Variants in ZNF564 observed in about 807,000 individuals in gnomAD.
ZNF564 encodes the protein zinc finger protein 564.
Under a neutral mutation model 10.5 loss-of-function variants are expected in ZNF564, and 5 were observed. The observed-to-expected ratio is 0.48, with a 90% CI of 0.25 to 1.00. ZNF564 has a LOEUF of 1.00. ZNF564 is among the 50% of genes least tolerant of loss of function. ZNF564 has a pLI of 0.16. For synonymous variants in ZNF564, 242 were observed against 218.1 expected (o/e 1.11, Z -0.97); for missense variants, 603 against 669.7 (o/e 0.90, Z 1.10).
intron 1 of ZNF564, among the ~76,000 whole-genome samples, chr19:12,532,181 A>G (rs901744193): frequency 2.3e-4 from 35 of 151,782 alleles, no homozygotes; most frequent in African/African-American, 8.0e-4. Context: ...TTGTGAATAG[A>G]CCCTGCACTC....
chr19:12,550,511 C>A, intron 1 of ZNF564: 1 of 287,722 alleles, frequency 3.5e-6, no homozygotes, highest in Non-Finnish European at 7.4e-6. Context: ...CAAAAAGTAG[C>A]CGGTCGTGGC....
At chr19:12,541,778 G>A (rs1176804370) in intron 1 of ZNF564, among the ~76,000 whole-genome samples, 1 of 151,936 alleles carries the variant, frequency 6.6e-6, no homozygotes, top group Non-Finnish European at 1.5e-5. Flanking sequence ...CACTTTGGGA[G>A]GCCGAGGCAG....
chr19:12,527,588 A>C lies in ZNF564; in HGVS notation c.520T>G (p.Cys174Gly). 6.2e-7 allele frequency: 1 copy of C among 1,614,168 alleles called. No individual in the cohort carries two copies. Among genetic ancestry groups the C allele is most frequent in the Non-Finnish European group, 8.5e-7 (1 of 1,180,022 alleles). ...TGEKPYACPE[C>G]GKAFISLPSV... ...GGGAGAGAAATGAAGGCTTTCCCAC[A>C]TTCCGGACATGCATAGGGTTTCTCA... is the stretch of plus-strand genomic sequence containing the variant. The change falls in exon 4 of 4, where the codon TGT becomes GGT. Residue 174 changes from cysteine (C) to glycine (G), a missense_variant. Physicochemically the swap from Cys to Gly is radical, Grantham distance 159 (BLOSUM62 -3). Coordinates refer to ENST00000339282, the MANE Select transcript of ZNF564 (RefSeq NM_144976.4).
chr19:12,544,774 C>A (rs115622933), intron 1 of ZNF564, among the ~76,000 whole-genome samples: 248 of 152,312 alleles, frequency 1.6e-3, no homozygotes, highest in African/African-American at 5.7e-3. Context: ...CTGTCTTGCT[C>A]CCTGGTTAGG....
chr19:12,540,734 G>A (rs564016430), intron 1 of ZNF564, among the ~76,000 whole-genome samples: 6 of 152,014 alleles, frequency 3.9e-5, no homozygotes, highest in African/African-American at 9.7e-5. Context: ...GGCGCCTGTA[G>A]TCCCAGCTAC....
At chr19:12,528,746 C>A in intron 1 of ZNF564, 50 bp from the exon 2 acceptor site, 1 of 1,573,220 alleles carries the variant, frequency 6.4e-7, no homozygotes, top group Non-Finnish European at 8.6e-7. Context: ...GATGACAGTA[C>A]AGGGATGTAA....
At chr19:12,543,668 C>T (rs1405798947) in intron 1 of ZNF564, among the ~76,000 whole-genome samples, 3 of 105,272 alleles carry the variant, frequency 2.8e-5, no homozygotes, top group African/African-American at 1.1e-4. Flanking sequence ...AGCGAGACTT[C>T]GTCTCAAAAA....
Position 12,527,000 on chromosome 19 carries a change from A to G in ZNF564, c.1108T>C (p.Cys370Arg), listed in dbSNP as rs2021698851. 1 of 1,613,978 alleles carries G rather than the reference A, an allele frequency of 6.2e-7. No homozygotes were observed. The highest frequency in any genetic ancestry group is 8.5e-7 in the Non-Finnish European group (1 of 1,179,996). Residue 370 changes from cysteine to arginine, a missense_variant, in exon 4 of 4, where the codon TGC (cysteine) becomes CGC (arginine). Cys to Arg is a radical substitution (Grantham distance 180). Transcript: ENST00000339282. ...GGGAGAGAAATGAAGGCTTTCCCGC[A>G]TTCCTTACATTCATAGGGCTTCTCT... ...TGEKPYECKE[C>R]GKAFISLPSV...
intron 1 of ZNF564, among the ~76,000 whole-genome samples, chr19:12,548,505 G>A (rs769196830): frequency 2.6e-5 from 4 of 152,152 alleles, no homozygotes; most frequent in South Asian, 2.1e-4. Flanking sequence ...GTGAGCCACC[G>A]TGCCCGGCCA....
At position 12,551,451 on chromosome 19, in the gene ZNF564, AC is replaced by A; in HGVS notation, c.-120del. 2 of 1,431,082 alleles carry A rather than the reference AC, an allele frequency of 1.4e-6. No individual in the cohort carries two copies. The highest frequency in any genetic ancestry group is 2.9e-5 in the South Asian group (2 of 70,088). The allele number at this position is 1,431,082 out of a possible 1,614,324, so 88.6% of individuals were successfully genotyped here. A position where few individuals can be genotyped will look rare whatever the true frequency, so the allele number is the denominator to read the frequency against. On this transcript the variant is annotated 5_prime_UTR_variant, in exon 1 of 4. Transcript: ENST00000339282. The stretch of plus-strand genomic sequence containing the variant: ...GGCCACTGGAGAAGCGGAGACCGGA[AC>A]CCAAACGCAGCGGACACGAAACAGG...
At chr19:12,538,715 C>A (rs984342107) in intron 1 of ZNF564, among the ~76,000 whole-genome samples, 1 of 151,846 alleles carries the variant, frequency 6.6e-6, no homozygotes, top group Non-Finnish European at 1.5e-5. Context: ...GAGGCTGACA[C>A]AGAAGGATAC....
chr19:12,547,131 A>G (rs1281937778), intron 1 of ZNF564, among the ~76,000 whole-genome samples: 1 of 152,212 alleles, frequency 6.6e-6, no homozygotes, highest in Non-Finnish European at 1.5e-5. Context: ...GTACAATGCC[A>G]GAATCATTGC....
chr19:12,548,847 C>A (rs144224887), intron 1 of ZNF564: 6 of 702,844 alleles, frequency 8.5e-6, no homozygotes, highest in Middle Eastern at 4.6e-4. Flanking sequence ...TTATCCATTA[C>A]GACAAAATCT....
intron 1 of ZNF564, among the ~76,000 whole-genome samples, chr19:12,540,845 C>G (rs1431442472): frequency 2.7e-5 from 4 of 149,774 alleles, no homozygotes; most frequent in African/African-American, 9.9e-5. Context: ...CACAGCAAGA[C>G]TCCGTCTCAA....
intron 1 of ZNF564, among the ~76,000 whole-genome samples, chr19:12,530,924 G>A (rs575827435): frequency 7.3e-4 from 111 of 152,046 alleles, no homozygotes; most frequent in Non-Finnish European, 1.3e-3. Flanking sequence ...AAGACACCAT[G>A]TCTAGCTAAT....
chr19:12,533,489 G>A (rs1220975077), intron 1 of ZNF564, among the ~76,000 whole-genome samples: 4 of 152,128 alleles, frequency 2.6e-5, no homozygotes, highest in African/African-American at 7.2e-5. Context: ...CAATTTGGGA[G>A]GCCAAGGCGG....
In ZNF564 at chr19:12,548,863, C is replaced by T. The variant is rs1333204546; in HGVS notation, c.3+2467G>A. 3 of 702,740 alleles carry T rather than the reference C, an allele frequency of 4.3e-6. No individual in the cohort carries two copies. In the Admixed American group the frequency reaches 6.0e-5, roughly 14 times the overall value. 43.5% of individuals were successfully genotyped at this position (702,740 alleles called of 1,614,324 possible). A position where few individuals can be genotyped will look rare whatever the true frequency, so the allele number is the denominator to read the frequency against. On this transcript the variant is annotated intron_variant, in intron 1 of 3. Coordinates refer to ENST00000339282, the MANE Select transcript of ZNF564 (RefSeq NM_144976.4). The stretch of plus-strand genomic sequence containing the variant: ...TATCCATTACGACAAAATCTCTACC[C>T]TGCAAAGGAGAAGATATTTTAGAGA...
At chr19:12,532,534 CAAAA>C (rs35579003) in intron 1 of ZNF564, among the ~76,000 whole-genome samples, 3 of 39,256 alleles carry the variant, frequency 7.6e-5, no homozygotes, top group Non-Finnish European at 1.3e-4. Flanking sequence ...GACTCCGTCT[CAAAA>C]AAAAAAAAAA....
intron 1 of ZNF564, 41 bp downstream of exon 1, chr19:12,551,289 C>A (rs1328610844): frequency 1.1e-5 from 18 of 1,596,856 alleles, no homozygotes; most frequent in Non-Finnish European, 1.5e-5. Flanking sequence ...TTCCCACAAG[C>A]CCCTCCCCCA....
Sources: gnomAD v4.1 joint callset for allele counts (sites outside exome capture counted in the v4.1 genomes callset) on GRCh38, gnomAD v4.1.1 for gene constraint, MANE v1.5 for transcripts, NCBI Gene and HGNC (gene_info 2026-07-23, HGNC 2026-07-21) for gene names.